CLDN2: variants seen among roughly 807,000 people sequenced by gnomAD.
The protein encoded by CLDN2 is claudin-2.
In CLDN2, 1 loss-of-function variant was observed where a neutral mutation model predicts 8.2. That is an observed-to-expected ratio of 0.12 (90% CI 0.04 to 0.58). CLDN2 has a LOEUF of 0.58. Ranked by LOEUF, CLDN2 falls within the 20% of genes least tolerant of loss-of-function variation. CLDN2 has a pLI of 0.90. For missense variants in CLDN2, 108 were observed against 172.9 expected (o/e 0.62, Z 2.11); for synonymous variants, 70 against 70.2 (o/e 1.00, Z 0.01).
At chrX:106,909,659 A>G (rs7052377) in intron 1 of CLDN2, among the ~76,000 whole-genome samples, 20,069 of 111,597 alleles carry the variant, frequency 0.18, 4,417 homozygotes, top group African/African-American at 0.63. Context: ...TCCCCAACCC[A>G]GGCCTGCCTC....
At chrX:106,907,081 G>A (rs1448799446) in intron 1 of CLDN2, among the ~76,000 whole-genome samples, 1 of 112,143 alleles carries the variant, frequency 8.9e-6, no homozygotes, top group East Asian at 2.8e-4. Context: ...AAAGGGCTCT[G>A]CCAAAGGTCA....
upstream of CLDN2, among the ~76,000 whole-genome samples, chrX:106,920,204 C>A (rs917612121): frequency 1.3e-4 from 14 of 109,967 alleles, no homozygotes; most frequent in African/African-American, 4.3e-4. Flanking sequence ...ATCCCCCTCC[C>A]CACAAGGCCT....
intron 1 of CLDN2, among the ~76,000 whole-genome samples, chrX:106,921,373 G>C (rs892004430): frequency 1.5e-3 from 166 of 112,517 alleles, no homozygotes; most frequent in African/African-American, 5.3e-3. Context: ...GGCCTCAAGG[G>C]AATGGCTTTG....
At chrX:106,908,264 G>A (rs1190628016) in intron 1 of CLDN2, among the ~76,000 whole-genome samples, 1 of 111,896 alleles carries the variant, frequency 8.9e-6, no homozygotes, top group Non-Finnish European at 1.9e-5. Context: ...AGCTGCCCCA[G>A]AGATTTTTCT....
At chrX:106,900,808 C>T in intron 1 of CLDN2, 2 of 1,211,466 alleles carry the variant, frequency 1.7e-6, no homozygotes, top group Non-Finnish European at 2.2e-6. Context: ...CTGTCTGAGT[C>T]CTCGTATAGG....
upstream of CLDN2, chrX:106,918,479 G>A (rs143589451): frequency 1.8e-5 from 2 of 112,338 alleles, no homozygotes; most frequent in Non-Finnish European, 3.8e-5. Flanking sequence ...GGTAGGGATG[G>A]GCCGCCTTGG....
At position 106,929,341 on chromosome X, in the gene CLDN2, T is replaced by G; in HGVS notation, c.*420T>G. The G allele has an allele frequency of 6.2e-6, 1 of 160,440 alleles. No individual in the cohort carries two copies. Among genetic ancestry groups the G allele is most frequent in the Non-Finnish European group, 1.3e-5 (1 of 76,870 alleles). The allele number at this position is 160,440 out of a possible 1,213,427, so 13.2% of individuals were successfully genotyped here. The stretch of plus-strand genomic sequence containing the variant: ...CTGGCTGAGGTTGGCTCTTAGCTCA[T>G]TGCTGGGGATGGGAAGGAGAAGCAG... On this transcript the variant is annotated 3_prime_UTR_variant, in exon 2 of 2. Coordinates refer to ENST00000336803, the MANE Select transcript of CLDN2 (RefSeq NM_020384.4).
rs1933510341 is a variant in CLDN2 at position 106,929,040 on chromosome X, A to G, written c.*119A>G. 1.6e-6 allele frequency: 1 copy of G among 618,977 alleles called. No individual in the cohort carries two copies. Among genetic ancestry groups the G allele is most frequent in the East Asian group, 3.5e-5 (1 of 28,558 alleles). The allele number at this position is 618,977 out of a possible 1,213,427, so 51.0% of individuals were successfully genotyped here. Reference sequence around the variant, plus strand: ...CGTGTCAGAAGGTGCTGCTGAGGATAGACTGACTTTGGCCATTGGATTGAG... The same window carrying G: ...CGTGTCAGAAGGTGCTGCTGAGGATGGACTGACTTTGGCCATTGGATTGAG... On this transcript the variant is annotated 3_prime_UTR_variant, in exon 2 of 2. Transcript: ENST00000336803.
At chrX:106,910,885 G>A (rs775358411) in intron 1 of CLDN2, among the ~76,000 whole-genome samples, 1 of 111,901 alleles carries the variant, frequency 8.9e-6, no homozygotes, top group African/African-American at 3.3e-5. Flanking sequence ...AAGCTTGGGC[G>A]CTATAGCTAG....
chrX:106,916,467 A>G (rs764707364), upstream of CLDN2, among the ~76,000 whole-genome samples: 7 of 111,280 alleles, frequency 6.3e-5, no homozygotes, highest in Admixed American at 2.9e-4. Context: ...AAATCATACT[A>G]CTATGTGGAG....
chrX:106,901,374 G>C, intron 1 of CLDN2: 2 of 827,617 alleles, frequency 2.4e-6, no homozygotes, highest in Admixed American at 4.7e-5. Flanking sequence ...AGCGATCATA[G>C]ATAGCAATTC....
intron 1 of CLDN2, among the ~76,000 whole-genome samples, chrX:106,922,397 A>G: frequency 8.9e-6 from 1 of 112,369 alleles, no homozygotes; most frequent in Non-Finnish European, 1.9e-5. Flanking sequence ...CCCTCACCCC[A>G]AAACACTTGC....
rs1177620206 is a variant in CLDN2, at chrX:106,930,056, A to G, written c.*1135A>G. The G allele has an allele frequency of 8.1e-6, 1 of 122,733 alleles. No homozygotes were observed. Among genetic ancestry groups the G allele is most frequent in the Non-Finnish European group, 1.9e-5 (1 of 53,114 alleles). The allele number at this position is 122,733 out of a possible 1,213,427, so 10.1% of individuals were successfully genotyped here. ...AGAAACTCTTCAGGCGTAATGGAAA[A>G]TCAGCTCAAATGAGATCAGGCCCCC... On this transcript the variant is annotated 3_prime_UTR_variant, in exon 2 of 2. Coordinates refer to ENST00000336803, the MANE Select transcript of CLDN2 (RefSeq NM_020384.4).
At chrX:106,901,619 G>T in intron 1 of CLDN2, 1 of 1,015,538 alleles carries the variant, frequency 9.8e-7, no homozygotes, top group Non-Finnish European at 1.4e-6. Context: ...TCAGAAAGCT[G>T]CAGGTAAAAT....
At chrX:106,901,715 G>T (rs1194807332) in intron 1 of CLDN2, among the ~76,000 whole-genome samples, 1 of 111,730 alleles carries the variant, frequency 9.0e-6, no homozygotes, top group Non-Finnish European at 1.9e-5. Flanking sequence ...GGTTCTGGTT[G>T]AAAAACAAGC....
At chrX:106,913,582 C>T (rs1933272757), upstream of CLDN2, among the ~76,000 whole-genome samples, 1 of 112,365 alleles carries the variant, frequency 8.9e-6, no homozygotes, top group South Asian at 3.7e-4. Flanking sequence ...AACTTAACAA[C>T]TTAGTACGAT....
Position 106,928,396 on chromosome X carries a change from A to G in CLDN2, c.168A>G (p.Thr56=). 1 of 1,212,187 alleles carries G rather than the reference A, an allele frequency of 8.2e-7. No homozygotes were observed. Among genetic ancestry groups the G allele is most frequent in the Non-Finnish European group, 1.1e-6 (1 of 895,573 alleles). Reference sequence around the variant, plus strand: ...AGGGCCTCTGGATGGAATGTGCCACACACAGCACAGGCATCACCCAGTGTG... The same window carrying G: ...AGGGCCTCTGGATGGAATGTGCCACGCACAGCACAGGCATCACCCAGTGTG... The part of the protein sequence containing the change: ...FSKGLWMECA[T]HSTGITQCDI... Residue 56 remains threonine (T), a synonymous_variant, in exon 2 of 2, where the codon ACA becomes ACG. Transcript: ENST00000336803.
chrX:106,918,625 T>C (rs902112410), upstream of CLDN2, among the ~76,000 whole-genome samples: 2 of 112,158 alleles, frequency 1.8e-5, no homozygotes, highest in Non-Finnish European at 3.8e-5. Context: ...CCAGGTTTGG[T>C]ACCCAGGCCT....
Position 106,910,457 on chromosome X carries a change from C to G in CLDN2, c.-179+9953C>G, listed in dbSNP as rs775099087. ...GTGGCTCATGCCTGTAATCCCAGCA[C>G]TTTGGGTGATCTGCCCGAGGTGGGC... is the stretch of plus-strand genomic sequence containing the variant. On this transcript the variant is annotated intron_variant, in intron 1 of 1. Coordinates refer to the CLDN2 transcript ENST00000541806. Among the ~76,000 whole-genome samples, 2 of 110,210 alleles carry G rather than the reference C, an allele frequency of 1.8e-5. 1 individual carries two copies. Among genetic ancestry groups the G allele is most frequent in the South Asian group, 7.9e-4 (2 of 2,522 alleles).
Sources: gnomAD v4.1 joint callset for allele counts (sites outside exome capture counted in the v4.1 genomes callset) on GRCh38, gnomAD v4.1.1 for gene constraint, MANE v1.5 for transcripts, NCBI Gene and HGNC (gene_info 2026-07-23, HGNC 2026-07-21) for gene names.